The following FAM135A variants were observed in gnomAD, a reference collection of about 807,000 sequenced individuals.
The protein encoded by FAM135A is family with sequence similarity 135 member A.
A neutral mutation model predicts 146.8 loss-of-function variants in FAM135A; 79 were observed. The observed-to-expected ratio is 0.54, with a 90% confidence interval of 0.45 to 0.65. FAM135A has a LOEUF of 0.65. FAM135A is among the 30% of genes least tolerant of loss of function. FAM135A has a pLI of 0.00. For missense variants in FAM135A, 1,623 were observed against 1,758.2 expected (o/e 0.92, Z 1.38); for synonymous variants, 562 against 603.6 (o/e 0.93, Z 1.01).
intron 4 of FAM135A, among the ~76,000 whole-genome samples, chr6:70,445,329 T>C (rs910920281): frequency 1.3e-5 from 2 of 151,066 alleles, no homozygotes; most frequent in African/African-American, 4.9e-5. Flanking sequence ...CTGTTGACCA[T>C]TGGTATGGAA....
At chr6:70,508,201 G>T (rs1790225583) in intron 12 of FAM135A, among the ~76,000 whole-genome samples, 1 of 152,110 alleles carries the variant, frequency 6.6e-6, no homozygotes, top group Admixed American at 6.6e-5. Flanking sequence ...CCTGTTCTTT[G>T]CTCCAAAGGG....
chr6:70,525,490 A>G lies in FAM135A; in HGVS notation c.2406A>G (p.Arg802=). 1 of 1,612,372 alleles carries G rather than the reference A, an allele frequency of 6.2e-7. No homozygotes were observed. The highest frequency in any genetic ancestry group is 8.5e-7 in the Non-Finnish European group (1 of 1,179,276). ...GGCAAGGTCCTTGCAATAGTGAAAG[A>G]TTATTTCCTCAGCTTTTGATGAAAC... ...VQGQGPCNSE[R]LFPQLLMKPD... is the part of the protein sequence containing the mutation. The change falls in exon 15 of 22, where the codon AGA becomes AGG. Residue 802 remains arginine, a synonymous_variant. Coordinates refer to ENST00000418814, the MANE Select transcript of FAM135A (RefSeq NM_001162529.3).
chr6:70,428,382 C>A lies in FAM135A; in HGVS notation c.40C>A (p.Leu14Ile). The change falls in exon 4 of 22, where the codon CTA (leucine) becomes ATA (isoleucine). Residue 14 changes from leucine (L) to isoleucine (I), a missense_variant. Physicochemically the swap from Leu to Ile is conservative, Grantham distance 5 (BLOSUM62 2). Around this residue, in one of 7 missense-constraint regions of FAM135A, gnomAD observed 171 missense variants for 164.9 expected, o/e 1.04. Transcript: ENST00000418814. ...AGCAATGGTAGAATTCTCTGTGGAG[C>A]TAAACAAGTTCTACAATGTGGATTT... ...VQAMVEFSVE[L>I]NKFYNVDLFQ... 1.2e-6 allele frequency: 2 copies of A among 1,603,254 alleles called. No individual in the cohort carries two copies. Among genetic ancestry groups the A allele is most frequent in the Admixed American group, 1.7e-5 (1 of 58,728 alleles).
chr6:70,429,591 A>G (rs1771014788), intron 4 of FAM135A, among the ~76,000 whole-genome samples: 2 of 152,148 alleles, frequency 1.3e-5, no homozygotes, highest in Non-Finnish European at 2.9e-5. Context: ...ATTACAGAAG[A>G]AAGGTAGTAA....
At chr6:70,504,307 T>C (rs1789226211) in intron 12 of FAM135A, 1 of 152,268 alleles carries the variant, frequency 6.6e-6, no homozygotes, top group African/African-American at 2.4e-5. Context: ...TGCCCATTTC[T>C]AATAAGATAA....
intron 5 of FAM135A, among the ~76,000 whole-genome samples, chr6:70,473,410 T>C (rs911956881): frequency 6.6e-6 from 1 of 151,524 alleles, no homozygotes; most frequent in Admixed American, 6.6e-5. Context: ...CACATACATA[T>C]GCAAATTTAC....
At position 70,428,433 on chromosome 6, in the gene FAM135A, T is replaced by A; in HGVS notation, c.77+14T>A. The A allele has an allele frequency of 6.4e-7, 1 of 1,564,594 alleles. No homozygotes were observed. Among genetic ancestry groups the A allele is most frequent in the East Asian group, 2.3e-5 (1 of 43,694 alleles). On this transcript the variant is annotated intron_variant, in intron 4 of 21. Transcript: ENST00000418814. ...GTTTCAGAGAGGGTATGTATTTTAT[T>A]GTGAAAATGATATATTTTGCATAAG...
rs1773030266 is a variant in FAM135A at position 70,435,979 on chromosome 6, T to C, written c.77+7560T>C. On this transcript the variant is annotated intron_variant, in intron 4 of 21. Transcript: ENST00000418814. ...CAGGCTGATCACCTGAGGTCAGGAG[T>C]TCGAGACCAACCTGGCCAACATGGT... Among the ~76,000 whole-genome samples, 4 of 151,802 alleles carry C rather than the reference T, an allele frequency of 2.6e-5. No individual in the cohort carries two copies. In the South Asian group the frequency reaches 6.3e-4, roughly 24 times the overall value.
rs546674936 is a variant in FAM135A, at chr6:70,450,716, GTTTTTTTTTTTTTTTTTTTTTTT to G, written c.78-1756_78-1734del. ...CTCAGGGAGTGTGACCCTTTTAGTT[GTTTTTTTTTTTTTTTTTTTTTTT>G]TTTTTTTTTTTTTTTTTTTGAGTCA... On this transcript the variant is annotated intron_variant, in intron 4 of 21. Transcript: ENST00000418814. Among the ~76,000 whole-genome samples the G allele has an allele frequency of 2.5e-4, 7 of 28,346 alleles. No individual in the cohort carries two copies. The East Asian group carries it at 4.7e-3, about 19-fold the overall frequency. 18.6% of individuals were successfully genotyped at this position (28,346 alleles called of 152,430 possible). A position where few individuals can be genotyped will look rare whatever the true frequency, so the allele number is the denominator to read the frequency against.
chr6:70,533,122 T>A, intron 16 of FAM135A, 38 bp from the exon 17 acceptor site: 1 of 1,523,670 alleles, frequency 6.6e-7, no homozygotes, highest in African/African-American at 1.4e-5. Context: ...TACCTTTTAC[T>A]TTATCTCATC....
chr6:70,456,635 C>T (rs1420054668), intron 5 of FAM135A, among the ~76,000 whole-genome samples: 3 of 152,152 alleles, frequency 2.0e-5, no homozygotes, highest in African/African-American at 7.2e-5. Context: ...TTAAGTGTCA[C>T]AATATTTAAT....
intron 17 of FAM135A, 134 bp from the exon 18 acceptor site, chr6:70,533,623 C>T: frequency 9.9e-6 from 6 of 605,856 alleles, no homozygotes; most frequent in Non-Finnish European, 1.7e-5. Context: ...AAAAATTACA[C>T]TCACTAACTT....
intron 5 of FAM135A, among the ~76,000 whole-genome samples, chr6:70,459,674 TCATC>T (rs898848917): frequency 1.4e-4 from 21 of 152,306 alleles, no homozygotes; most frequent in African/African-American, 4.1e-4. Flanking sequence ...TTTTTAATAT[TCATC>T]CATCTTTTTT....
chr6:70,482,186 G>C (rs1783842715), intron 10 of FAM135A, 32 bp downstream of exon 10: 3 of 1,605,900 alleles, frequency 1.9e-6, no homozygotes, highest in Non-Finnish European at 2.5e-6. Context: ...TTATTCTACA[G>C]TTCAAATCAT....
At chr6:70,550,323 A>G (rs1799589121) in intron 20 of FAM135A, among the ~76,000 whole-genome samples, 1 of 152,200 alleles carries the variant, frequency 6.6e-6, no homozygotes, top group East Asian at 1.9e-4. Flanking sequence ...AGGAATCACT[A>G]CCTATGGCAG....
chr6:70,429,370 G>A (rs190266051), intron 4 of FAM135A, among the ~76,000 whole-genome samples: 47 of 151,844 alleles, frequency 3.1e-4, no homozygotes, highest in Non-Finnish European at 5.6e-4. Flanking sequence ...AAAATTAGCC[G>A]GGCGTGGTGG....
chr6:70,435,098 TATATATATATA>T (rs1352481127), intron 4 of FAM135A, among the ~76,000 whole-genome samples: 2 of 119,170 alleles, frequency 1.7e-5, no homozygotes, highest in African/African-American at 3.1e-5. Flanking sequence ...TATATATATA[TATATATATATA>T]TTTTTTTTTT....
chr6:70,516,696 G>A (rs1322923449), intron 12 of FAM135A, among the ~76,000 whole-genome samples: 1 of 151,664 alleles, frequency 6.6e-6, no homozygotes, highest in Non-Finnish European at 1.5e-5. Flanking sequence ...CACCATGCCT[G>A]GCTAATTTTT....
chr6:70,520,358 G>A (rs1316162518), intron 12 of FAM135A, among the ~76,000 whole-genome samples: 1 of 152,000 alleles, frequency 6.6e-6, no homozygotes, highest in Non-Finnish European at 1.5e-5. Context: ...TTTTTTTCAA[G>A]GTAGCATAGA....
Sources: gnomAD v4.1 joint callset for allele counts (sites outside exome capture counted in the v4.1 genomes callset) on GRCh38, gnomAD v4.1.1 for gene constraint, gnomAD v4.1.1 regional missense constraint, MANE v1.5 for transcripts, NCBI Gene and HGNC (gene_info 2026-07-23, HGNC 2026-07-21) for gene names.